Variants in PREX2 observed in about 807,000 individuals in gnomAD.
PREX2 encodes phosphatidylinositol 3,4,5-trisphosphate-dependent Rac exchanger 2 protein.
A neutral mutation model predicts 203.2 loss-of-function variants in PREX2; 107 were observed. The ratio of observed to expected loss-of-function variants is 0.53; its 90% confidence interval spans 0.45 to 0.62. The LOEUF (loss-of-function observed/expected upper bound fraction) is 0.62, where lower values mean the gene tolerates loss of function less well. PREX2 is among the 20% of genes least tolerant of loss of function. The pLI, the probability that PREX2 is intolerant of heterozygous loss-of-function variation, is 0.00. For synonymous variants in PREX2, 672 were observed against 663.6 expected, an observed-to-expected ratio of 1.01 and a Z score of -0.19; for missense variants, 1,777 against 1,955.9, an observed-to-expected ratio of 0.91 and a Z score of 1.72.
chr8:68,053,296 G>A, intron 9 of PREX2, 50 bp downstream of exon 9: 2 of 1,576,550 alleles, frequency 1.3e-6, no homozygotes, highest in Non-Finnish European at 1.7e-6. Flanking sequence ...CTCTAACTTA[G>A]CATAGGAGCA....
chr8:68,209,070 TAAAAAAAAAAA>T (rs994362514), intron 37 of PREX2, among the ~76,000 whole-genome samples: 2 of 115,096 alleles, frequency 1.7e-5, no homozygotes, highest in Admixed American at 9.2e-5. Context: ...TGGACTCATT[TAAAAAAAAAAA>T]AAAAAAAAAG....
At chr8:68,029,688 G>A (rs1380711290) in intron 5 of PREX2, among the ~76,000 whole-genome samples, 1 of 152,166 alleles carries the variant, frequency 6.6e-6, no homozygotes. Context: ...GGAAACACAT[G>A]ACTAATTAAA....
chr8:68,135,161 T>C (rs1811091062), intron 32 of PREX2, among the ~76,000 whole-genome samples: 1 of 148,962 alleles, frequency 6.7e-6, no homozygotes, highest in Non-Finnish European at 1.5e-5. Flanking sequence ...TTTTAACACA[T>C]GGTAGGCATC....
At chr8:67,988,134 T>G (rs1454321749) in intron 1 of PREX2, among the ~76,000 whole-genome samples, 1 of 152,204 alleles carries the variant, frequency 6.6e-6, no homozygotes, top group Non-Finnish European at 1.5e-5. Context: ...TCTCTTCCTA[T>G]TCTTTTAGTT....
At chr8:68,139,001 C>T (rs149220147) in intron 33 of PREX2, among the ~76,000 whole-genome samples, 61 of 152,220 alleles carry the variant, frequency 4.0e-4, no homozygotes, top group African/African-American at 1.3e-3. Flanking sequence ...ATGATAATCA[C>T]TCATTTATTC....
At chr8:68,208,935 A>T (rs1468583704) in intron 37 of PREX2, among the ~76,000 whole-genome samples, 1 of 151,926 alleles carries the variant, frequency 6.6e-6, no homozygotes, top group Non-Finnish European at 1.5e-5. Context: ...CAAAAAATTT[A>T]AAAAATTAAT....
chr8:67,969,519 C>A (rs1203020215), intron 1 of PREX2, among the ~76,000 whole-genome samples: 3 of 152,036 alleles, frequency 2.0e-5, no homozygotes, highest in African/African-American at 7.3e-5. Context: ...AAAATTATAA[C>A]CCAAGGAGAG....
intron 18 of PREX2, 151 bp downstream of exon 18, chr8:68,083,539 T>C: frequency 2.0e-6 from 1 of 489,376 alleles, no homozygotes. Flanking sequence ...TTACAGATGA[T>C]GGGAGAAGCT....
chr8:68,137,059 C>A (rs746469035), intron 32 of PREX2, among the ~76,000 whole-genome samples: 2 of 151,902 alleles, frequency 1.3e-5, no homozygotes, highest in Non-Finnish European at 2.9e-5. Flanking sequence ...GTGTGCACCA[C>A]GATGCTCAGC....
rs1181272010 is a variant in PREX2 at position 68,234,276 on chromosome 8, T to G, written c.*2898T>G. On this transcript the variant is annotated 3_prime_UTR_variant, in exon 40 of 40. Coordinates refer to ENST00000288368, the MANE Select transcript of PREX2 (RefSeq NM_024870.4). ...TTTTAGGATGTGTTTACCTTAATGC[T>G]ACATGCTCCTCTATAACCAGTGCAC... The G allele has an allele frequency of 6.6e-6, 1 of 152,170 alleles. No homozygotes were observed. Among genetic ancestry groups the G allele is most frequent in the Non-Finnish European group, 1.5e-5 (1 of 68,026 alleles). 9.4% of individuals were successfully genotyped at this position (152,170 alleles called of 1,614,324 possible).
In PREX2 at chr8:68,192,346, T is replaced by C; in HGVS notation, c.4425T>C (p.Pro1475=). Residue 1475 remains proline (P), a synonymous_variant, in exon 37 of 40, where the codon CCT becomes CCC. Coordinates refer to ENST00000288368, the MANE Select transcript of PREX2 (RefSeq NM_024870.4). ...CTTTTTTTCTGCAGCTAATGAGGCC[T>C]CTCAACGCTTTGGATGAACTTTACC... ...KAAYVDKLMR[P]LNALDELYRL... 2 of 1,599,810 alleles carry C rather than the reference T, an allele frequency of 1.3e-6. No individual in the cohort carries two copies. Among genetic ancestry groups the C allele is most frequent in the South Asian group, 2.2e-5 (2 of 89,562 alleles).
intron 26 of PREX2, among the ~76,000 whole-genome samples, chr8:68,117,863 C>A (rs765138163): frequency 2.1e-4 from 32 of 152,060 alleles, no homozygotes; most frequent in Non-Finnish European, 8.8e-5. Context: ...ATTTAAGCCA[C>A]CAGAAAGGGA....
chr8:68,145,912 T>C (rs1811317555), intron 33 of PREX2, among the ~76,000 whole-genome samples: 1 of 152,148 alleles, frequency 6.6e-6, no homozygotes, highest in African/African-American at 2.4e-5. Flanking sequence ...GATTCCAAAC[T>C]ATGTGTAGCT....
In PREX2 at chr8:68,120,814, A is replaced by T. The variant is rs942960362; in HGVS notation, c.3596-107A>T. On this transcript the variant is annotated intron_variant, in intron 29 of 39. Transcript: ENST00000288368. ...TGGTGTGGCAAAAGAAATGACCACC[A>T]TGTCAATAGTCTAGGACAACAGTGA... 3.3e-5 allele frequency: 29 copies of T among 867,234 alleles called. No homozygotes were observed. The African/African-American group carries it at 4.7e-4, about 14-fold the overall frequency. The allele number at this position is 867,234 out of a possible 1,614,324, so 53.7% of individuals were successfully genotyped here. A position where few individuals can be genotyped will look rare whatever the true frequency, so the allele number is the denominator to read the frequency against.
chr8:67,989,807 C>T lies in PREX2; in HGVS notation c.142-28039C>T, dbSNP rs1013812638. Among the ~76,000 whole-genome samples, 4 of 152,302 alleles carry T rather than the reference C, an allele frequency of 2.6e-5. No individual in the cohort carries two copies. In the South Asian group the frequency reaches 6.2e-4, roughly 24 times the overall value. On this transcript the variant is annotated intron_variant, in intron 1 of 39. Transcript: ENST00000288368. ...GCATTTAAAATAACCTGTCTAGAGA[C>T]ACACTTGAAGAAATGTCACATTTCT...
chr8:68,014,450 G>C (rs182155139), intron 1 of PREX2, among the ~76,000 whole-genome samples: 29 of 152,184 alleles, frequency 1.9e-4, no homozygotes, highest in African/African-American at 4.6e-4. Context: ...CGGGGTGCGG[G>C]GGGGGCGGCA....
intron 25 of PREX2, among the ~76,000 whole-genome samples, chr8:68,112,605 T>C (rs1810557229): frequency 6.6e-6 from 1 of 152,154 alleles, no homozygotes; most frequent in South Asian, 2.1e-4. Context: ...TTTTTATAGA[T>C]GCTTATTTGC....
At chr8:68,016,824 C>T (rs143885880) in intron 1 of PREX2, among the ~76,000 whole-genome samples, 308 of 152,220 alleles carry the variant, frequency 2.0e-3, no homozygotes, top group Non-Finnish European at 3.3e-3. Flanking sequence ...GCTATGTTGC[C>T]GAGGCTGACC....
In PREX2 at chr8:68,236,598, C is replaced by T. The variant is rs1813269249; in HGVS notation, c.*5220C>T. ...GCATTTGAATTTGAATATCTAATGC[C>T]TCAAGCAAATTTATTAGAGTTTCAG... is the stretch of plus-strand genomic sequence containing the variant. On this transcript the variant is annotated 3_prime_UTR_variant, in exon 40 of 40. Transcript: ENST00000288368. 1 of 152,050 alleles carries T rather than the reference C, an allele frequency of 6.6e-6. No homozygotes were observed. Among genetic ancestry groups the T allele is most frequent in the African/African-American group, 2.4e-5 (1 of 41,406 alleles). The allele number at this position is 152,050 out of a possible 1,614,324, so 9.4% of individuals were successfully genotyped here. A position where few individuals can be genotyped will look rare whatever the true frequency, so the allele number is the denominator to read the frequency against.
Sources: gnomAD v4.1 joint callset for allele counts (sites outside exome capture counted in the v4.1 genomes callset) on GRCh38, gnomAD v4.1.1 for gene constraint, MANE v1.5 for transcripts, NCBI Gene and HGNC (gene_info 2026-07-23, HGNC 2026-07-21) for gene names.